Variants in BIRC6 observed in about 807,000 individuals in gnomAD.
BIRC6 encodes the protein dual E2 ubiquitin-conjugating enzyme/E3 ubiquitin-protein ligase BIRC6.
In BIRC6, 98 loss-of-function variants were observed where a neutral mutation model predicts 503.3. The observed-to-expected ratio is 0.19, with a 90% confidence interval of 0.17 to 0.23. The LOEUF is 0.23. Among genes scored for constraint, BIRC6 ranks in the 10% least tolerant of loss-of-function variants. The probability of loss-of-function intolerance (pLI) is 1.00; values close to 1 mark genes in which losing one functional copy is unlikely to be tolerated. For missense variants in BIRC6, 5,360 were observed against 5,806.0 expected (o/e 0.92, Z 2.50); for synonymous variants, 2,240 against 2,078.7 (o/e 1.08, Z -2.11).
intron 1 of BIRC6, among the ~76,000 whole-genome samples, chr2:32,365,533 C>T (rs2034781928): frequency 6.6e-6 from 1 of 152,154 alleles, no homozygotes. Flanking sequence ...GTTGGCCAGG[C>T]TGGTCTCGAA....
At chr2:32,470,027 C>A in intron 30 of BIRC6, 141 bp from the exon 31 acceptor site, 1 of 729,786 alleles carries the variant, frequency 1.4e-6, no homozygotes. Context: ...ACAAATCTTG[C>A]TTTCCCAGTC....
chr2:32,365,154 A>G (rs1199163338), intron 1 of BIRC6, among the ~76,000 whole-genome samples: 1 of 152,182 alleles, frequency 6.6e-6, no homozygotes, highest in African/African-American at 2.4e-5. Context: ...AAAGAATAGA[A>G]TATTGGCTCT....
rs377205015 is a variant in BIRC6, at chr2:32,404,253, A to G, written c.1419-2246A>G. 2.0e-5 allele frequency among the ~76,000 whole-genome samples: 3 copies of G among 151,906 alleles called. No individual in the cohort carries two copies. In the East Asian group the frequency reaches 5.8e-4, roughly 29 times the overall value. The stretch of plus-strand genomic sequence containing the variant: ...CGCATGTGATTTTTTAAAAAGTTTT[A>G]TTGAAGTGTAATTTTCAAACCATAC... On this transcript the variant is annotated intron_variant, in intron 8 of 73. Coordinates refer to ENST00000421745, the MANE Select transcript of BIRC6 (RefSeq NM_016252.4).
In BIRC6 at chr2:32,473,185, C is replaced by A; in HGVS notation, c.6666C>A (p.Ser2222Arg). 1.3e-6 allele frequency: 2 copies of A among 1,564,158 alleles called. No homozygotes were observed. The highest frequency in any genetic ancestry group is 8.7e-7 in the Non-Finnish European group (1 of 1,152,114). The change falls in exon 33 of 74, where the codon AGC (serine) becomes AGA (arginine). Residue 2222 changes from serine (S) to arginine (R), a missense_variant. By Grantham distance (110) the Ser-to-Arg change is moderately radical. Transcript: ENST00000421745. ...ATAGATCTTCTAAAGGCAGCAGTAG[C>A]CTTGATAGATTATATTCCAGAAAAA... is the stretch of plus-strand genomic sequence containing the variant. The part of the protein sequence containing the change: ...SLNRSSKGSS[S>R]LDRLYSRKIR...
chr2:32,482,475 C>A lies in BIRC6; in HGVS notation c.7589C>A (p.Thr2530Asn). ...GATTATTGGGGTGCTGATTATGGGA[C>A]CTACAATTACAACCCTTACATTGGA... ...WYDYWGADYGTYNYNPYIGGL... is the reference protein window; with the variant it reads ...WYDYWGADYGNYNYNPYIGGL... The change falls in exon 39 of 74, where the codon ACC (threonine) becomes AAC (asparagine). Residue 2530 changes from threonine (T) to asparagine (N), a missense_variant. Around this residue, in one of 16 missense-constraint regions of BIRC6, gnomAD observed 2,299 missense variants for 2,267.2 expected, o/e 1.01. Coordinates refer to ENST00000421745, the MANE Select transcript of BIRC6 (RefSeq NM_016252.4). The A allele has an allele frequency of 6.2e-7, 1 of 1,613,834 alleles. No homozygotes were observed.
At position 32,476,171 on chromosome 2, in the gene BIRC6, T is replaced by C. The variant is rs2049742570; in HGVS notation, c.6721-42T>C. The stretch of plus-strand genomic sequence containing the variant: ...GAGGAGTATAATAATTTTTTTGTTT[T>C]TAACGTTGTTAAAGATTAAGTTGTT... On this transcript the variant is annotated intron_variant, in intron 33 of 73. Transcript: ENST00000421745. 11 of 1,480,460 alleles carry C rather than the reference T, an allele frequency of 7.4e-6. No homozygotes were observed. In the East Asian group the frequency reaches 2.8e-4, roughly 37 times the overall value. The allele number at this position is 1,480,460 out of a possible 1,614,324, so 91.7% of individuals were successfully genotyped here.
chr2:32,441,381 A>G lies in BIRC6; in HGVS notation c.3863A>G (p.Glu1288Gly), dbSNP rs1330715774. ...NENTSGTRKS[E>G]NLRGCDLLQE... ...AATACAAGTGGCACCCGTAAATCTG[A>G]AAACCTCCGGGGCTGTGATTTACTT... is the stretch of plus-strand genomic sequence containing the variant. The change falls in exon 17 of 74, where the codon GAA (glutamate) becomes GGA (glycine). Residue 1288 changes from glutamate to glycine, a missense_variant. Glu to Gly is a moderately conservative substitution (Grantham distance 98, BLOSUM62 -2). Around this residue, in one of 16 missense-constraint regions of BIRC6, gnomAD observed 2,299 missense variants for 2,267.2 expected, o/e 1.01. Coordinates refer to ENST00000421745, the MANE Select transcript of BIRC6 (RefSeq NM_016252.4). 6.2e-7 allele frequency: 1 copy of G among 1,607,910 alleles called. No individual in the cohort carries two copies. Among genetic ancestry groups the G allele is most frequent in the Non-Finnish European group, 8.5e-7 (1 of 1,175,236 alleles).
intron 61 of BIRC6, among the ~76,000 whole-genome samples, 157 bp downstream of exon 61, chr2:32,531,708 A>G (rs2150030924): frequency 1.3e-5 from 2 of 152,338 alleles, no homozygotes; most frequent in Middle Eastern, 6.8e-3. Context: ...GTCAGTCTGT[A>G]CAGAGCTTCA....
At chr2:32,381,612 C>T (rs930801872) in intron 3 of BIRC6, among the ~76,000 whole-genome samples, 1 of 145,612 alleles carries the variant, frequency 6.9e-6, no homozygotes, top group Admixed American at 7.1e-5. Flanking sequence ...GTGGTGTGAT[C>T]TTATCTCACT....
intron 68 of BIRC6, among the ~76,000 whole-genome samples, chr2:32,595,493 T>TC (rs2061622753): frequency 6.6e-6 from 1 of 152,216 alleles, no homozygotes; most frequent in African/African-American, 2.4e-5. Context: ...TCTGTTACTC[T>TC]TGCCATTTTA....
intron 65 of BIRC6, among the ~76,000 whole-genome samples, chr2:32,573,301 G>A (rs1416775534): frequency 6.6e-6 from 1 of 152,118 alleles, no homozygotes; most frequent in Non-Finnish European, 1.5e-5. Flanking sequence ...GAGTTCAAGC[G>A]ATTCTCCTGC....
intron 8 of BIRC6, 63 bp from the exon 9 acceptor site, chr2:32,406,436 C>A: frequency 8.0e-7 from 1 of 1,249,794 alleles, no homozygotes; most frequent in Non-Finnish European, 1.1e-6. Context: ...TTTTTCTTTG[C>A]TTTCTCATAT....
intron 53 of BIRC6, among the ~76,000 whole-genome samples, chr2:32,511,000 A>T (rs1433951674): frequency 6.6e-6 from 1 of 152,180 alleles, no homozygotes; most frequent in Non-Finnish European, 1.5e-5. Context: ...ATATGAATGT[A>T]GGGATATTGT....
chr2:32,534,374 C>A (rs866382974), intron 61 of BIRC6, among the ~76,000 whole-genome samples: 969 of 91,892 alleles, frequency 0.011, no homozygotes, highest in Middle Eastern at 0.014. Context: ...AATTCCATCT[C>A]AAAAAAAAAA....
intron 9 of BIRC6, among the ~76,000 whole-genome samples, chr2:32,408,407 GC>G (rs757244229): frequency 6.6e-6 from 1 of 152,156 alleles, no homozygotes; most frequent in Non-Finnish European, 1.5e-5. Context: ...ACTGCGCCCG[GC>G]CAAGTTTTTG....
chr2:32,450,324 A>G (rs576637925), intron 22 of BIRC6, among the ~76,000 whole-genome samples: 1 of 152,146 alleles, frequency 6.6e-6, no homozygotes, highest in African/African-American at 2.4e-5. Flanking sequence ...TAAAAATGCC[A>G]AAAAATTAGC....
chr2:32,499,920 A>C lies in BIRC6; in HGVS notation c.8842A>C (p.Thr2948Pro). The change falls in exon 46 of 74, where the codon ACA becomes CCA. Residue 2948 changes from threonine (T) to proline (P), a missense_variant. By Grantham distance (38) the Thr-to-Pro change is conservative. This residue lies in a region of BIRC6 where 2,299 missense variants were observed against 2,267.2 expected (regional missense o/e 1.01). Transcript: ENST00000421745. Reference protein sequence around the residue: ...REYSARVSVTTNTTDSVSDEE... With the variant: ...REYSARVSVTPNTTDSVSDEE... ...ATACAGTGCAAGAGTGTCTGTGACC[A>C]CAAATACAACAGATAGTGTTTCAGA... is the stretch of plus-strand genomic sequence containing the variant. 1 of 1,614,072 alleles carries C rather than the reference A, an allele frequency of 6.2e-7. No homozygotes were observed. The highest frequency in any genetic ancestry group is 8.5e-7 in the Non-Finnish European group (1 of 1,179,908).
intron 64 of BIRC6, among the ~76,000 whole-genome samples, chr2:32,548,409 C>T (rs1402182971): frequency 1.5e-5 from 2 of 136,860 alleles, no homozygotes. Flanking sequence ...CACTCTGTGG[C>T]CCAGGCTGGA....
intron 54 of BIRC6, among the ~76,000 whole-genome samples, chr2:32,514,149 A>G (rs984823174): frequency 1.3e-5 from 2 of 151,880 alleles, no homozygotes; most frequent in Non-Finnish European, 2.9e-5. Context: ...AGAGAGACCA[A>G]ATCTCTACAA....
Sources: gnomAD v4.1 joint callset for allele counts (sites outside exome capture counted in the v4.1 genomes callset) on GRCh38, gnomAD v4.1.1 for gene constraint, gnomAD v4.1.1 regional missense constraint, MANE v1.5 for transcripts, NCBI Gene and HGNC (gene_info 2026-07-23, HGNC 2026-07-21) for gene names.